The following NRROS variants were observed in gnomAD, a reference collection of about 807,000 sequenced individuals.
The protein encoded by NRROS is negative regulator of reactive oxygen species.
In NRROS, 6 loss-of-function variants were observed where a neutral mutation model predicts 12.0. The ratio of observed to expected loss-of-function variants is 0.50; its 90% CI spans 0.27 to 0.98. NRROS has a LOEUF of 0.98. NRROS is among the 50% of genes least tolerant of loss of function. NRROS has a pLI of 0.11. For missense variants in NRROS, 857 were observed against 888.2 expected (o/e 0.96, Z 0.45); for synonymous variants, 462 against 410.2 (o/e 1.13, Z -1.53).
chr3:196,647,583 G>C (rs1261102741), intron 1 of NRROS, among the ~76,000 whole-genome samples: 1 of 152,158 alleles, frequency 6.6e-6, no homozygotes, highest in Non-Finnish European at 1.5e-5. Flanking sequence ...TTTTGAGACA[G>C]AGTCCCACTT....
At chr3:196,653,295 G>A (rs1025525141) in intron 1 of NRROS, among the ~76,000 whole-genome samples, 11 of 152,196 alleles carry the variant, frequency 7.2e-5, no homozygotes, top group South Asian at 2.1e-4. Flanking sequence ...TGGCTTACCC[G>A]GTTTCATTGA....
In NRROS at chr3:196,659,733, G is replaced by T. The variant is rs200394314; in HGVS notation, c.109-19G>T. The T allele has an allele frequency of 2.5e-6, 4 of 1,595,956 alleles. No individual in the cohort carries two copies. The Admixed American group carries it at 6.8e-5, about 27-fold the overall frequency. On this transcript the variant is annotated intron_variant, in intron 2 of 2. Transcript: ENST00000328557. The stretch of plus-strand genomic sequence containing the variant: ...CCTCTGGGCCTCCTCGCTGCTGACC[G>T]GTGTGGTTTTGGCCGCAGGTGGGTG...
intron 2 of NRROS, among the ~76,000 whole-genome samples, chr3:196,656,283 A>G (rs921332548): frequency 6.6e-6 from 1 of 152,254 alleles, no homozygotes; most frequent in African/African-American, 2.4e-5. Flanking sequence ...TCAAGTATGT[A>G]TTCTTAAAGC....
chr3:196,660,862 T>C lies in NRROS; in HGVS notation c.1219T>C (p.Phe407Leu), dbSNP rs1737658149. 6 of 1,613,922 alleles carry C rather than the reference T, an allele frequency of 3.7e-6. No individual in the cohort carries two copies. Among genetic ancestry groups the C allele is most frequent in the Non-Finnish European group, 5.1e-6 (6 of 1,180,026 alleles). The change falls in exon 3 of 3, where the codon TTC (phenylalanine) becomes CTC (leucine). Residue 407 changes from phenylalanine to leucine, a missense_variant. Transcript: ENST00000328557. This position sits in a 1 kb window ranked among gnomAD's most constrained non-coding sequence, Gnocchi z 7.7. ...LASCLGSLRL[F>L]NLSSNQLLGV... ...CAGCTGCCTGGGCAGCCTGCGCTTG[T>C]TCAACCTGAGCTCCAACCAGCTCCT...
intron 1 of NRROS, among the ~76,000 whole-genome samples, chr3:196,647,707 T>C (rs1337371482): frequency 6.6e-6 from 1 of 152,144 alleles, no homozygotes; most frequent in Non-Finnish European, 1.5e-5. Context: ...TACAGGTGCC[T>C]GCCACTATGC....
At chr3:196,646,114 C>T (rs1388888140) in intron 1 of NRROS, among the ~76,000 whole-genome samples, 1 of 130,036 alleles carries the variant, frequency 7.7e-6, no homozygotes, top group Non-Finnish European at 1.6e-5. Flanking sequence ...CTGTCCCATT[C>T]AGTCTCGACA....
At chr3:196,647,159 C>A (rs940221156) in intron 1 of NRROS, among the ~76,000 whole-genome samples, 5 of 151,944 alleles carry the variant, frequency 3.3e-5, no homozygotes, top group African/African-American at 9.7e-5. Context: ...ATGAATATTT[C>A]TTTTAAAATA....
chr3:196,657,672 A>G (rs1249097745), intron 2 of NRROS, among the ~76,000 whole-genome samples: 5 of 149,580 alleles, frequency 3.3e-5, no homozygotes, highest in Non-Finnish European at 5.9e-5. Flanking sequence ...GCGCCATTGC[A>G]CTCCAGCCTG....
intron 1 of NRROS, among the ~76,000 whole-genome samples, chr3:196,644,242 C>T (rs887369925): frequency 2.6e-5 from 4 of 152,058 alleles, no homozygotes; most frequent in Middle Eastern, 3.2e-3. Context: ...TCCCATGATA[C>T]ACTCAGGGGT....
chr3:196,646,140 A>G lies in NRROS; in HGVS notation c.-14+6265A>G, dbSNP rs573677211. Reference sequence around the variant, plus strand: ...AGTCTCGACACAACCCTGTGAGGCCATCAAGGCAAGTGCTGTCCTCCGTGG... The same window carrying G: ...AGTCTCGACACAACCCTGTGAGGCCGTCAAGGCAAGTGCTGTCCTCCGTGG... On this transcript the variant is annotated intron_variant, in intron 1 of 2. Coordinates refer to ENST00000328557, the MANE Select transcript of NRROS (RefSeq NM_198565.3). 1.0e-3 allele frequency among the ~76,000 whole-genome samples: 149 copies of G among 144,856 alleles called. 1 individual carries two copies. Among genetic ancestry groups the G allele is most frequent in the East Asian group, 5.0e-3 (26 of 5,170 alleles).
At chr3:196,650,462 G>A (rs1375990255) in intron 1 of NRROS, among the ~76,000 whole-genome samples, 1 of 151,674 alleles carries the variant, frequency 6.6e-6, no homozygotes, top group Non-Finnish European at 1.5e-5. Context: ...ATTTTTTTTA[G>A]AGAGGCAGGG....
chr3:196,657,985 C>T (rs554100723), intron 2 of NRROS, among the ~76,000 whole-genome samples: 9 of 152,244 alleles, frequency 5.9e-5, no homozygotes, highest in South Asian at 2.1e-4. Context: ...GCGAAAATGA[C>T]GAGTATAATT....
Position 196,645,119 on chromosome 3 carries a change from A to G in NRROS, c.-14+5244A>G, listed in dbSNP as rs187077299. Among the ~76,000 whole-genome samples the G allele has an allele frequency of 7.2e-5, 11 of 152,330 alleles. No individual in the cohort carries two copies. The East Asian group carries it at 1.9e-3, about 27-fold the overall frequency. ...TAAGAAATTAGAAAACTTCCATAGG[A>G]AATGTAGCTACCTATAATACACTGC... On this transcript the variant is annotated intron_variant, in intron 1 of 2. Coordinates refer to ENST00000328557, the MANE Select transcript of NRROS (RefSeq NM_198565.3).
chr3:196,657,643 G>T (rs1400341541), intron 2 of NRROS, among the ~76,000 whole-genome samples: 2 of 150,350 alleles, frequency 1.3e-5, no homozygotes, highest in Non-Finnish European at 3.0e-5. Flanking sequence ...GCAGGCAGAG[G>T]TTGCAGCAAG....
rs1241924067 is a variant in NRROS at position 196,660,375 on chromosome 3, C to G, written c.732C>G (p.Thr244=). Residue 244 remains threonine (T), a synonymous_variant, in exon 3 of 3, where the codon ACC becomes ACG. Coordinates refer to ENST00000328557, the MANE Select transcript of NRROS (RefSeq NM_198565.3). The surrounding 1 kb of genome is among the most constrained non-coding windows in gnomAD (Gnocchi z 7.7). ...SYNVLEWFLA[T]GGEAAFELET... ...ACGTCCTGGAGTGGTTCCTCGCGACCGGGGGAGAGGCTGCCTTCGAGCTGG... is the reference window on the plus strand; with the variant it reads ...ACGTCCTGGAGTGGTTCCTCGCGACGGGGGGAGAGGCTGCCTTCGAGCTGG... The G allele has an allele frequency of 2.5e-6, 4 of 1,613,984 alleles. No individual in the cohort carries two copies. The highest frequency in any genetic ancestry group is 3.4e-6 in the Non-Finnish European group (4 of 1,179,986).
Position 196,659,876 on chromosome 3 carries a change from A to T in NRROS, c.233A>T (p.Gln78Leu). 1 of 1,614,036 alleles carries T rather than the reference A, an allele frequency of 6.2e-7. No homozygotes were observed. Among genetic ancestry groups the T allele is most frequent in the Non-Finnish European group, 8.5e-7 (1 of 1,179,954 alleles). ...AAGACCCTGTGGAATCACTCCCTCC[A>T]GCCTTACCCTCTCCTGGAGAGCCTC... ...PLKTLWNHSL[Q>L]PYPLLESLSL... Residue 78 changes from glutamine to leucine, a missense_variant, in exon 3 of 3, where the codon CAG becomes CTG. Transcript: ENST00000328557.
intron 1 of NRROS, among the ~76,000 whole-genome samples, chr3:196,652,785 T>C (rs1426795497): frequency 1.3e-5 from 2 of 152,146 alleles, no homozygotes; most frequent in Non-Finnish European, 2.9e-5. Flanking sequence ...TAGATTCAGT[T>C]CTTCGATACG....
chr3:196,656,976 G>A (rs1737547858), intron 2 of NRROS, among the ~76,000 whole-genome samples: 1 of 152,070 alleles, frequency 6.6e-6, no homozygotes, highest in East Asian at 1.9e-4. Flanking sequence ...GGCCGAAGCA[G>A]GCAGATCACC....
intron 1 of NRROS, among the ~76,000 whole-genome samples, chr3:196,644,769 CAAAAAAAAAA>C (rs57304721): frequency 3.1e-4 from 34 of 109,182 alleles, no homozygotes; most frequent in African/African-American, 1.2e-3. Context: ...GAGACTCTGT[CAAAAAAAAAA>C]AAAAAAAAAA....
Sources: allele counts gnomAD v4.1 joint callset (sites outside exome capture counted in the v4.1 genomes callset), GRCh38; gene constraint gnomAD v4.1.1; non-coding constraint Gnocchi (gnomAD v3.1); transcripts MANE v1.5; gene names NCBI Gene and HGNC (gene_info 2026-07-23, HGNC 2026-07-21).